KDM4B: variants seen among roughly 807,000 people sequenced by gnomAD.
KDM4B encodes the protein lysine demethylase 4B.
Under a neutral mutation model 125.2 loss-of-function variants are expected in KDM4B, and 32 were observed. The observed-to-expected ratio is 0.26, with a 90% confidence interval of 0.19 to 0.34. The LOEUF is 0.34. Ranked by LOEUF, KDM4B falls within the 10% of genes least tolerant of loss-of-function variation. KDM4B has a pLI of 1.00. For missense variants in KDM4B, 1,190 were observed against 1,577.7 expected, an observed-to-expected ratio of 0.75 and a Z score of 4.16; for synonymous variants, 721 against 677.9, an observed-to-expected ratio of 1.06 and a Z score of -0.99.
chr19:5,120,267 C>CGT (rs1004027248), intron 11 of KDM4B, among the ~76,000 whole-genome samples: 11 of 152,282 alleles, frequency 7.2e-5, no homozygotes, highest in African/African-American at 2.6e-4. Flanking sequence ...CGTAGTGAGC[C>CGT]GTGTTTGCAC....
chr19:5,085,807 C>A (rs1194730363), intron 9 of KDM4B, among the ~76,000 whole-genome samples: 1 of 152,216 alleles, frequency 6.6e-6, no homozygotes, highest in Admixed American at 6.5e-5. Flanking sequence ...GGCTCTCAGG[C>A]TTCTTGGCGG....
intron 1 of KDM4B, among the ~76,000 whole-genome samples, chr19:4,977,514 T>G (rs1351723227): frequency 2.0e-5 from 3 of 152,186 alleles, no homozygotes; most frequent in Non-Finnish European, 4.4e-5. Flanking sequence ...TGGACCCAAG[T>G]GCTGGCACCT....
chr19:4,970,911 C>G (rs2034235333), intron 1 of KDM4B, among the ~76,000 whole-genome samples: 2 of 151,954 alleles, frequency 1.3e-5, no homozygotes, highest in Admixed American at 6.6e-5. Flanking sequence ...GGGCGCTCCC[C>G]CTCCTTGAGC....
chr19:5,131,646 G>T (rs2039556977), intron 12 of KDM4B, 101 bp downstream of exon 12: 3 of 554,290 alleles, frequency 5.4e-6, no homozygotes, highest in Non-Finnish European at 3.0e-6. Context: ...CGGGGGAGGG[G>T]GCAGGGAGGA....
Position 5,037,663 on chromosome 19 carries a change from C to A in KDM4B, c.142-2173C>A, listed in dbSNP as rs533266783. On this transcript the variant is annotated intron_variant, in intron 3 of 22. Transcript: ENST00000159111. ...TCGCTTGGCACTGTGGACTTGGGGC[C>A]GCATCGTTCTCTGGGGTGGCGCCAT... 2.0e-5 allele frequency among the ~76,000 whole-genome samples: 3 copies of A among 152,206 alleles called. No individual in the cohort carries two copies. In the South Asian group the frequency reaches 6.2e-4, roughly 31 times the overall value.
chr19:4,970,368 A>G (rs2034212819), intron 1 of KDM4B, among the ~76,000 whole-genome samples: 1 of 152,222 alleles, frequency 6.6e-6, no homozygotes, highest in Non-Finnish European at 1.5e-5. Context: ...CGTGGAGCCT[A>G]GTGATCCTGT....
intron 9 of KDM4B, among the ~76,000 whole-genome samples, chr19:5,089,323 G>A (rs546277312): frequency 6.6e-5 from 10 of 152,296 alleles, no homozygotes; most frequent in African/African-American, 1.9e-4. Flanking sequence ...CTGTGGCCTA[G>A]CGGTTCTGTC....
chr19:5,128,584 C>G (rs1015659835), intron 11 of KDM4B, among the ~76,000 whole-genome samples: 1 of 152,206 alleles, frequency 6.6e-6, no homozygotes, highest in Non-Finnish European at 1.5e-5. Flanking sequence ...TTTACACACG[C>G]AGGACAGTGG....
At chr19:4,986,971 T>G (rs945665168) in intron 1 of KDM4B, among the ~76,000 whole-genome samples, 6 of 152,050 alleles carry the variant, frequency 3.9e-5, no homozygotes, top group African/African-American at 9.6e-5. Context: ...ATTTTTTTTT[T>G]TGTGAGACGG....
chr19:5,089,898 G>A (rs970724981), intron 9 of KDM4B, among the ~76,000 whole-genome samples: 8 of 152,124 alleles, frequency 5.3e-5, no homozygotes, highest in South Asian at 2.1e-4. Context: ...AAGGCCAAGC[G>A]CAGTGACTCA....
In KDM4B at chr19:5,035,889, G is replaced by A. The variant is rs558338295; in HGVS notation, c.141+2858G>A. ...TGTGTGTGTGTGTGTGTGCGCGCGC[G>A]CGCGCGCCTGCGCGCACAGGAGACT... On this transcript the variant is annotated intron_variant, in intron 3 of 22. Transcript: ENST00000159111. The surrounding 1 kb of genome is among the most constrained non-coding windows in gnomAD (Gnocchi z 5.3). 1.5e-4 allele frequency among the ~76,000 whole-genome samples: 21 copies of A among 140,694 alleles called. No homozygotes were observed. The South Asian group carries it at 4.3e-3, about 29-fold the overall frequency. The allele number at this position is 140,694 out of a possible 152,430, so 92.3% of individuals were successfully genotyped here. A position where few individuals can be genotyped will look rare whatever the true frequency, so the allele number is the denominator to read the frequency against.
chr19:5,145,887 T>A (rs1408563875), intron 21 of KDM4B, among the ~76,000 whole-genome samples: 1 of 152,184 alleles, frequency 6.6e-6, no homozygotes, highest in East Asian at 1.9e-4. Context: ...ACATCGGAGT[T>A]CAGCTCTTTA....
chr19:4,981,120 T>A (rs955344152), intron 1 of KDM4B, among the ~76,000 whole-genome samples: 1 of 152,122 alleles, frequency 6.6e-6, no homozygotes, highest in Non-Finnish European at 1.5e-5. Context: ...TGAGCTGGCG[T>A]GCCTCAGCCA....
In KDM4B at chr19:5,141,123, G is replaced by C. The variant is rs984782477; in HGVS notation, c.2551-2844G>C. 6.6e-6 allele frequency: 1 copy of C among 152,270 alleles called. No individual in the cohort carries two copies. Among genetic ancestry groups the C allele is most frequent in the Non-Finnish European group, 1.5e-5 (1 of 68,066 alleles). 9.4% of individuals were successfully genotyped at this position (152,270 alleles called of 1,614,324 possible). A position where few individuals can be genotyped will look rare whatever the true frequency, so the allele number is the denominator to read the frequency against. ...GTGCGAGGTGCCCACGAGCCCGGCG[G>C]GCTTGGATGCCATGCTTGGAGCCCA... On this transcript the variant is annotated intron_variant, in intron 18 of 22. Transcript: ENST00000159111. This position sits in a 1 kb window ranked among gnomAD's most constrained non-coding sequence, Gnocchi z 6.4.
intron 14 of KDM4B, 62 bp from the exon 15 acceptor site, chr19:5,135,277 C>T (rs1006425286): frequency 5.0e-5 from 60 of 1,205,100 alleles, no homozygotes; most frequent in East Asian, 4.3e-4. Flanking sequence ...GAGAGGTCCG[C>T]GCCGCCCGCC....
chr19:4,975,910 C>T (rs746354420), intron 1 of KDM4B, among the ~76,000 whole-genome samples: 2 of 149,220 alleles, frequency 1.3e-5, no homozygotes, highest in African/African-American at 2.5e-5. Context: ...GAATTTGTAT[C>T]TTCCTAACTT....
Position 5,086,179 on chromosome 19 carries a change from G to A in KDM4B, c.918+3675G>A, listed in dbSNP as rs554420252. 5.9e-4 allele frequency among the ~76,000 whole-genome samples: 89 copies of A among 152,124 alleles called. 1 individual carries two copies. The South Asian group carries it at 0.018, about 31-fold the overall frequency. ...TGTTGGCTGTTCACCTTCCTTGACC[G>A]CTAGGGACCCCTGCCCCCCCCCACC... On this transcript the variant is annotated intron_variant, in intron 9 of 22. Transcript: ENST00000159111.
intron 6 of KDM4B, among the ~76,000 whole-genome samples, chr19:5,050,003 C>G (rs899600887): frequency 9.2e-5 from 14 of 152,262 alleles, no homozygotes; most frequent in African/African-American, 3.1e-4. Flanking sequence ...ATGCTTCCCC[C>G]CTCTCCCTTC....
chr19:5,070,975 G>A (rs1188078362), intron 6 of KDM4B, 35 bp from the exon 7 acceptor site: 15 of 1,612,724 alleles, frequency 9.3e-6, no homozygotes, highest in Admixed American at 1.7e-5. Context: ...GGCTGCCACC[G>A]ATCTTGCCTC....
Sources: allele counts gnomAD v4.1 joint callset (sites outside exome capture counted in the v4.1 genomes callset), GRCh38; gene constraint gnomAD v4.1.1; non-coding constraint Gnocchi (gnomAD v3.1); transcripts MANE v1.5; gene names NCBI Gene and HGNC (gene_info 2026-07-23, HGNC 2026-07-21).